Variants in KDR observed in about 807,000 individuals in gnomAD.
The protein encoded by KDR is kinase insert domain receptor.
A neutral mutation model predicts 160.9 loss-of-function variants in KDR; 43 were observed. The observed-to-expected ratio is 0.27, with a 90% confidence interval of 0.21 to 0.34. The LOEUF (loss-of-function observed/expected upper bound fraction) is 0.34. Among genes scored for constraint, KDR ranks in the 10% least tolerant of loss-of-function variants. KDR has a pLI of 1.00. For missense variants in KDR, 1,469 were observed against 1,666.4 expected, an observed-to-expected ratio of 0.88 and a Z score of 2.06; for synonymous variants, 617 against 600.1, an observed-to-expected ratio of 1.03 and a Z score of -0.41.
chr4:55,080,283 T>A, intron 29 of KDR, 120 bp from the exon 30 acceptor site: 1 of 816,060 alleles, frequency 1.2e-6, no homozygotes, highest in East Asian at 2.6e-5. Flanking sequence ...CAGCCCCGTA[T>A]CTCTCCCAGT....
chr4:55,098,518 T>C (rs1235874812), intron 16 of KDR, among the ~76,000 whole-genome samples, 179 bp downstream of exon 16: 3 of 152,118 alleles, frequency 2.0e-5, no homozygotes, highest in Non-Finnish European at 4.4e-5. Flanking sequence ...TAGTGGCTTC[T>C]ATCAATTAAA....
chr4:55,082,657 T>A (rs200085996), intron 27 of KDR, 22 bp from the exon 28 acceptor site: 1 of 1,584,572 alleles, frequency 6.3e-7, no homozygotes, highest in African/African-American at 1.3e-5. Flanking sequence ...CAAATATTTA[T>A]ATTTTAGTGG....
intron 15 of KDR, among the ~76,000 whole-genome samples, 199 bp from the exon 16 acceptor site, chr4:55,099,002 T>A (rs922222033): frequency 4.1e-4 from 61 of 149,946 alleles, no homozygotes; most frequent in African/African-American, 1.5e-3. Context: ...TTTATTTATT[T>A]ATTTATTTAT....
chr4:55,088,101 G>A (rs1042261229), intron 26 of KDR, among the ~76,000 whole-genome samples: 1 of 152,042 alleles, frequency 6.6e-6, no homozygotes, highest in African/African-American at 2.4e-5. Flanking sequence ...CTAACCACAC[G>A]AGCCAAGCCC....
chr4:55,091,200 C>T (rs1224384610), intron 22 of KDR, among the ~76,000 whole-genome samples: 1 of 152,154 alleles, frequency 6.6e-6, no homozygotes, highest in Non-Finnish European at 1.5e-5. Context: ...GTAAGCCAGG[C>T]ATTGCTGACC....
Position 55,090,118 on chromosome 4 carries a change from C to T in KDR, c.3070-40G>A, listed in dbSNP as rs569874460. 30 of 1,612,064 alleles carry T rather than the reference C, an allele frequency of 1.9e-5. No homozygotes were observed. In the East Asian group the frequency reaches 6.7e-4, roughly 36 times the overall value. ...ATGTGTGCATTAGGTCTCGGCACAGCTGATCTCTTTCACATCTGTTGTGAC... is the reference window on the plus strand; with the variant it reads ...ATGTGTGCATTAGGTCTCGGCACAGTTGATCTCTTTCACATCTGTTGTGAC... On this transcript the variant is annotated intron_variant, in intron 22 of 29. Coordinates refer to ENST00000263923, the MANE Select transcript of KDR (RefSeq NM_002253.4).
rs1293436655 is a variant in KDR at position 55,104,995 on chromosome 4, G to A, written c.1646-11C>T. On this transcript the variant is annotated splice_polypyrimidine_tract_variant and intron_variant, in intron 12 of 29. Transcript: ENST00000263923. ...TAATTTCAGGACCCCCTAAAATGAA[G>A]AGGCCATAGTTATTGAATGGTGATT... is the stretch of plus-strand genomic sequence containing the variant. 1 of 1,607,410 alleles carries A rather than the reference G, an allele frequency of 6.2e-7. No individual in the cohort carries two copies. Among genetic ancestry groups the A allele is most frequent in the South Asian group, 1.1e-5 (1 of 90,890 alleles).
chr4:55,107,541 C>T (rs73816211), intron 10 of KDR, among the ~76,000 whole-genome samples, 196 bp downstream of exon 10: 1 of 152,152 alleles, frequency 6.6e-6, no homozygotes, highest in African/African-American at 2.4e-5. Context: ...CTTAGCTAAC[C>T]CCAAAGGAGG....
In KDR at chr4:55,106,702, A is replaced by G; in HGVS notation, c.1521T>C (p.Ile507=). The change falls in exon 11 of 30, where the codon ATT becomes ATC. Residue 507 remains isoleucine, a synonymous_variant. Transcript: ENST00000263923. ...TCAAACTCACTTTGTTTTTTCCTTC[A>G]ATTAGAGCAAATTGATTTTTATTAA... The part of the protein sequence containing the change: ...IEVNKNQFAL[I]EGKNKTVSTL... The G allele has an allele frequency of 6.4e-7, 1 of 1,574,324 alleles. No homozygotes were observed.
At chr4:55,106,607 T>C in intron 11 of KDR, 80 bp downstream of exon 11, 1 of 1,036,188 alleles carries the variant, frequency 9.7e-7, no homozygotes. Context: ...ATTATTAATC[T>C]CCAATATGCC....
chr4:55,089,517 C>G, intron 24 of KDR, 44 bp from the exon 25 acceptor site: 2 of 1,503,424 alleles, frequency 1.3e-6, no homozygotes, highest in Middle Eastern at 1.7e-4. Flanking sequence ...TTGATTTTCT[C>G]TTATAGAAAA....
chr4:55,110,464 G>A lies in KDR; in HGVS notation c.1194C>T (p.Val398=), dbSNP rs1266008105. 1 of 1,614,042 alleles carries A rather than the reference G, an allele frequency of 6.2e-7. No individual in the cohort carries two copies. Among genetic ancestry groups the A allele is most frequent in the Non-Finnish European group, 8.5e-7 (1 of 1,179,934 alleles). Residue 398 remains valine (V), a synonymous_variant, in exon 9 of 30, where the codon GTC becomes GTT. Transcript: ENST00000263923. ...VSERDTGNYT[V]ILTNPISKEK... is the part of the protein sequence containing the mutation. ...CCTTTGAAATGGGATTGGTAAGGAT[G>A]ACAGTGTAATTTCCTGTGTCTCTTT...
chr4:55,087,824 AC>A (rs1022745467), intron 26 of KDR, 66 bp from the exon 27 acceptor site: 160 of 1,502,346 alleles, frequency 1.1e-4, no homozygotes, highest in Middle Eastern at 1.9e-4. Flanking sequence ...TTCATTAAAA[AC>A]AAAGGGCACA....
chr4:55,085,309 A>G (rs1362665327), intron 27 of KDR, among the ~76,000 whole-genome samples: 2 of 152,234 alleles, frequency 1.3e-5, no homozygotes, highest in Admixed American at 6.5e-5. Context: ...TTCTCTAAAT[A>G]AATGCTAAGT....
chr4:55,101,505 T>C (rs145629595), intron 15 of KDR, among the ~76,000 whole-genome samples: 3 of 152,084 alleles, frequency 2.0e-5, no homozygotes, highest in Non-Finnish European at 4.4e-5. Flanking sequence ...CTTCTTTTTT[T>C]CTTTTAAGTT....
At position 55,125,496 on chromosome 4, in the gene KDR, G is replaced by A. The variant is rs1001427998; in HGVS notation, c.-203C>T. ...GCCGGTAGGAGAGGATATCCAGGCT[G>A]CCAGACGGACTTTCTGCGGCGCGCA... On this transcript the variant is annotated 5_prime_UTR_variant, in exon 1 of 30. Coordinates refer to ENST00000263923, the MANE Select transcript of KDR (RefSeq NM_002253.4). 1 of 625,246 alleles carries A rather than the reference G, an allele frequency of 1.6e-6. No individual in the cohort carries two copies. The highest frequency in any genetic ancestry group is 2.8e-6 in the Non-Finnish European group (1 of 356,498). The allele number at this position is 625,246 out of a possible 1,614,324, so 38.7% of individuals were successfully genotyped here.
intron 21 of KDR, 94 bp from the exon 22 acceptor site, chr4:55,092,808 G>C: frequency 1.1e-6 from 1 of 881,804 alleles, no homozygotes; most frequent in East Asian, 2.6e-5. Flanking sequence ...TTAAGACTTG[G>C]GAGTTAAGTT....
intron 9 of KDR, among the ~76,000 whole-genome samples, chr4:55,108,645 A>C (rs1470193166): frequency 6.6e-6 from 1 of 152,136 alleles, no homozygotes; most frequent in Admixed American, 6.5e-5. Flanking sequence ...AAATCTTTAG[A>C]GAATGCATTC....
rs1326193921 is a variant in KDR, at chr4:55,113,339, A to T, written c.941T>A (p.Met314Lys). The T allele has an allele frequency of 6.2e-7, 1 of 1,614,138 alleles. No individual in the cohort carries two copies. The highest frequency in any genetic ancestry group is 1.1e-5 in the South Asian group (1 of 91,082). ...GACAAATGTGCTGTTCTTCTTGGTC[A>T]TCAGCCCACTGGATGCTGCACAGGT... The part of the protein sequence containing the change: ...LYTCAASSGL[M>K]TKKNSTFVRV... The change falls in exon 7 of 30, where the codon ATG becomes AAG. Residue 314 changes from methionine to lysine, a missense_variant. Physicochemically the swap from Met to Lys is moderately conservative, Grantham distance 95. Coordinates refer to ENST00000263923, the MANE Select transcript of KDR (RefSeq NM_002253.4).
Sources: allele counts gnomAD v4.1 joint callset (sites outside exome capture counted in the v4.1 genomes callset), GRCh38; gene constraint gnomAD v4.1.1; transcripts MANE v1.5; gene names NCBI Gene and HGNC (gene_info 2026-07-23, HGNC 2026-07-21).